PTPRH: variants seen among roughly 807,000 people sequenced by gnomAD.
PTPRH encodes protein tyrosine phosphatase receptor type H.
PTPRH carries 113 observed loss-of-function variants against 130.2 expected under a neutral mutation model. That is an observed-to-expected ratio of 0.87 (90% CI 0.75 to 1.01). PTPRH has a LOEUF of 1.01. Ranked by LOEUF, PTPRH falls within the 50% of genes least tolerant of loss-of-function variation. PTPRH has a pLI of 0.00. For synonymous variants in PTPRH, 556 were observed against 577.9 expected (o/e 0.96, Z 0.54); for missense variants, 1,430 against 1,425.0 (o/e 1.00, Z -0.06).
chr19:55,205,646 T>C, intron 3 of PTPRH, 54 bp from the exon 4 acceptor site: 36 of 1,599,212 alleles, frequency 2.3e-5, no homozygotes, highest in Non-Finnish European at 3.0e-5. Context: ...CCTCAAACTT[T>C]CCAGCCCTTC....
In PTPRH at chr19:55,202,066, AT is replaced by A. The variant is rs1256362244; in HGVS notation, c.1142del (p.Asn381MetfsTer9). On this transcript the variant is annotated frameshift_variant, in exon 6 of 20. Transcript: ENST00000376350. LOFTEE classifies it high-confidence loss of function. ...NGINSSRETR[N>X]ATTAPNPVRN... is the part of the protein sequence containing the mutation. Reference sequence around the variant, plus strand: ...GCGACTGCCTCTCACCTGTGGTGGCATTTCGAGTCTCCCGGGAGCTGTTGAT... The same window carrying A: ...GCGACTGCCTCTCACCTGTGGTGGCATTCGAGTCTCCCGGGAGCTGTTGAT... 6.2e-7 allele frequency: 1 copy of A among 1,614,044 alleles called. No individual in the cohort carries two copies. Among genetic ancestry groups the A allele is most frequent in the South Asian group, 1.1e-5 (1 of 91,074 alleles).
At chr19:55,199,793 AAAAG>A (rs893511726) in intron 7 of PTPRH, among the ~76,000 whole-genome samples, 55 of 149,962 alleles carry the variant, frequency 3.7e-4, no homozygotes, top group Non-Finnish European at 4.3e-4. Context: ...GAGACAGAAA[AAAAG>A]AAAGAAAGAA....
In PTPRH at chr19:55,209,148, C is replaced by G. The variant is rs1011801403; in HGVS notation, c.51+235G>C. Reference sequence around the variant, plus strand: ...AAGCTGGTGTCCCCCACAACAGACACGACAATGTCTAAGGGCCCGGGTGAA... The same window carrying G: ...AAGCTGGTGTCCCCCACAACAGACAGGACAATGTCTAAGGGCCCGGGTGAA... On this transcript the variant is annotated intron_variant, in intron 1 of 19. Transcript: ENST00000376350. This position sits in a 1 kb window ranked among gnomAD's most constrained non-coding sequence, Gnocchi z 4.1. 2.6e-5 allele frequency among the ~76,000 whole-genome samples: 4 copies of G among 151,508 alleles called. No individual in the cohort carries two copies. Among genetic ancestry groups the G allele is most frequent in the Non-Finnish European group, 4.4e-5 (3 of 67,824 alleles).
intron 12 of PTPRH, among the ~76,000 whole-genome samples, chr19:55,188,462 G>A (rs989713847): frequency 2.0e-5 from 3 of 152,158 alleles, no homozygotes; most frequent in African/African-American, 7.2e-5. Context: ...GTGGTGAACC[G>A]AGATCGCACC....
rs1341231144 is a variant in PTPRH, at chr19:55,185,518, G to A, written c.3046C>T (p.Pro1016Ser). ...GGTCCCCACCTGCAGTGCACAATGGGTGGGCCTCCCTCCATGGTCTGATCC... is the reference window on the plus strand; with the variant it reads ...GGTCCCCACCTGCAGTGCACAATGGATGGGCCTCCCTCCATGGTCTGATCC... ...WLDQTMEGGPPIVHCSAGVGR... is the reference protein window; with the variant it reads ...WLDQTMEGGPSIVHCSAGVGR... Residue 1016 changes from proline (P) to serine (S), a missense_variant, in exon 18 of 20, where the codon CCC (proline) becomes TCC (serine). Transcript: ENST00000376350. 6 of 1,614,106 alleles carry A rather than the reference G, an allele frequency of 3.7e-6. No individual in the cohort carries two copies. The highest frequency in any genetic ancestry group is 5.1e-6 in the Non-Finnish European group (6 of 1,180,032).
At chr19:55,194,789 C>G (rs879505497) in intron 10 of PTPRH, among the ~76,000 whole-genome samples, 1 of 152,160 alleles carries the variant, frequency 6.6e-6, no homozygotes, top group Non-Finnish European at 1.5e-5. Flanking sequence ...TAAAAACATA[C>G]GTCCACACAA....
In PTPRH at chr19:55,181,639, T is replaced by G. The variant is rs937435856; in HGVS notation, c.*115A>C. On this transcript the variant is annotated 3_prime_UTR_variant, in exon 20 of 20. Transcript: ENST00000376350. ...AGAGTTTGGGATACCAGCCCCCTCC[T>G]CCCACAGCACCCAGGAGTCTGGGAG... 6.3e-6 allele frequency: 9 copies of G among 1,434,936 alleles called. No homozygotes were observed. The highest frequency in any genetic ancestry group is 5.7e-5 in the Admixed American group (3 of 52,660). The allele number at this position is 1,434,936 out of a possible 1,614,324, so 88.9% of individuals were successfully genotyped here.
chr19:55,206,827 C>G lies in PTPRH; in HGVS notation c.214G>C (p.Gly72Arg). 1 of 1,614,118 alleles carries G rather than the reference C, an allele frequency of 6.2e-7. No homozygotes were observed. The highest frequency in any genetic ancestry group is 8.5e-7 in the Non-Finnish European group (1 of 1,180,024). Residue 72 changes from glycine (G) to arginine (R), a missense_variant, in exon 3 of 20, where the codon GGC (glycine) becomes CGC (arginine). By Grantham distance (125) the Gly-to-Arg change is moderately radical. Coordinates refer to ENST00000376350, the MANE Select transcript of PTPRH (RefSeq NM_002842.5). ...GTTGTGTTTCGAGTCTCTGTTGTGC[C>G]GCCGTCTCCAGTACACTGAACCCAG... The part of the protein sequence containing the change: ...NYWVQCTGDG[G>R]TTETRNTTAT...
intron 4 of PTPRH, 103 bp downstream of exon 4, chr19:55,205,223 C>T (rs147643958): frequency 3.9e-6 from 6 of 1,538,476 alleles, no homozygotes; most frequent in Non-Finnish European, 5.3e-6. Flanking sequence ...GAGTACCTGG[C>T]TCAATGTGGC....
rs1235827243 is a variant in PTPRH, at chr19:55,186,704, A to G, written c.2567-164T>C. On this transcript the variant is annotated intron_variant, in intron 14 of 19. Coordinates refer to ENST00000376350, the MANE Select transcript of PTPRH (RefSeq NM_002842.5). ...CCTTGGGAGCTACACAGGGACTGAG[A>G]GGGGCGGAGGGACCTCAGCTGCAGG... Among the ~76,000 whole-genome samples the G allele has an allele frequency of 3.3e-5, 5 of 152,186 alleles. No individual in the cohort carries two copies. In the East Asian group the frequency reaches 7.7e-4, roughly 23 times the overall value.
In PTPRH at chr19:55,186,526, C is replaced by T. The variant is rs1156547305; in HGVS notation, c.2581G>A (p.Val861Met). ...TCCTCATGGATGGGCTTCAGGGGCA[C>T]CCGGGACCAGTCATCTAGGAGAAGA... ...RNVLPYDWSR[V>M]PLKPIHEEPG... Residue 861 changes from valine to methionine, a missense_variant, in exon 15 of 20, where the codon GTG becomes ATG. Transcript: ENST00000376350. 5.4e-6 allele frequency: 8 copies of T among 1,487,580 alleles called. No homozygotes were observed. The highest frequency in any genetic ancestry group is 7.1e-6 in the Non-Finnish European group (8 of 1,125,576). 92.1% of individuals were successfully genotyped at this position (1,487,580 alleles called of 1,614,324 possible).
rs750830849 is a variant in PTPRH at position 55,185,536 on chromosome 19, T to C, written c.3028A>G (p.Thr1010Ala). 4 of 1,614,104 alleles carry C rather than the reference T, an allele frequency of 2.5e-6. No individual in the cohort carries two copies. Among genetic ancestry groups the C allele is most frequent in the Non-Finnish European group, 3.4e-6 (4 of 1,180,016 alleles). Residue 1010 changes from threonine (T) to alanine (A), a missense_variant, in exon 18 of 20, where the codon ACC becomes GCC. Transcript: ENST00000376350. ...ACAATGGGTGGGCCTCCCTCCATGG[T>C]CTGATCCAGCCACTGCCGAAGCATC... ...WRMLRQWLDQ[T>A]MEGGPPIVHC...
At chr19:55,191,045 C>T (rs771976653) in intron 12 of PTPRH, among the ~76,000 whole-genome samples, 5 of 152,044 alleles carry the variant, frequency 3.3e-5, no homozygotes, top group Non-Finnish European at 7.4e-5. Flanking sequence ...GGTTTCACCA[C>T]GTTAGCCAGG....
chr19:55,205,734 G>T, intron 3 of PTPRH, 142 bp from the exon 4 acceptor site: 1 of 1,263,644 alleles, frequency 7.9e-7, no homozygotes, highest in Non-Finnish European at 1.1e-6. Flanking sequence ...CGAGTTCCAC[G>T]TGAGTGTTGA....
chr19:55,199,226 G>A (rs922833329), intron 7 of PTPRH, among the ~76,000 whole-genome samples: 15 of 152,222 alleles, frequency 9.9e-5, no homozygotes, highest in Admixed American at 3.3e-4. Context: ...AGGATCGCTT[G>A]AGCTTGGGAG....
At chr19:55,199,305 AAAAG>A (rs1024724288) in intron 7 of PTPRH, among the ~76,000 whole-genome samples, 7 of 147,430 alleles carry the variant, frequency 4.7e-5, no homozygotes, top group Non-Finnish European at 3.0e-5. Flanking sequence ...GGACCGTCTC[AAAAG>A]AAAGAAAGAG....
chr19:55,209,310 G>T lies in PTPRH; in HGVS notation c.51+73C>A. ...CCTACTTCCTCAAGATCGAGGTGCA[G>T]GCACCCAGCTCCTTCTCCCTCAGAC... On this transcript the variant is annotated intron_variant, in intron 1 of 19. Transcript: ENST00000376350. This position sits in a 1 kb window ranked among gnomAD's most constrained non-coding sequence, Gnocchi z 4.1. 1.5e-6 allele frequency: 2 copies of T among 1,324,026 alleles called. No individual in the cohort carries two copies. The highest frequency in any genetic ancestry group is 1.5e-5 in the African/African-American group (1 of 68,702). The allele number at this position is 1,324,026 out of a possible 1,614,324, so 82.0% of individuals were successfully genotyped here. A position where few individuals can be genotyped will look rare whatever the true frequency, so the allele number is the denominator to read the frequency against.
At chr19:55,197,719 G>A (rs960070633) in intron 8 of PTPRH, among the ~76,000 whole-genome samples, 2 of 152,046 alleles carry the variant, frequency 1.3e-5, no homozygotes, top group Non-Finnish European at 2.9e-5. Flanking sequence ...TCTCTGTATC[G>A]CTTCAGCTTA....
intron 14 of PTPRH, 101 bp downstream of exon 14, chr19:55,187,412 G>T (rs1343652029): frequency 5.8e-6 from 4 of 695,594 alleles, no homozygotes; most frequent in Admixed American, 3.0e-5. Context: ...CCCACGGTAG[G>T]GGGCAGGACT....
Sources: allele counts gnomAD v4.1 joint callset (sites outside exome capture counted in the v4.1 genomes callset), GRCh38; gene constraint gnomAD v4.1.1; non-coding constraint Gnocchi (gnomAD v3.1); transcripts MANE v1.5; gene names NCBI Gene and HGNC (gene_info 2026-07-23, HGNC 2026-07-21).